PPM1E: variants seen among roughly 807,000 people sequenced by gnomAD.
PPM1E encodes protein phosphatase 1E.
Under a neutral mutation model 65.9 loss-of-function variants are expected in PPM1E, and 20 were observed. The ratio of observed to expected loss-of-function variants is 0.30; its 90% CI spans 0.21 to 0.44. The LOEUF (loss-of-function observed/expected upper bound fraction) is 0.44. Among genes scored for constraint, PPM1E ranks in the 20% least tolerant of loss-of-function variants. The pLI is 1.00. For synonymous variants in PPM1E, 352 were observed against 374.9 expected (o/e 0.94, Z 0.70); for missense variants, 713 against 953.1 (o/e 0.75, Z 3.32).
At chr17:58,761,259 C>G (rs1026585401) in intron 1 of PPM1E, among the ~76,000 whole-genome samples, 1 of 152,060 alleles carries the variant, frequency 6.6e-6, no homozygotes, top group African/African-American at 2.4e-5. Flanking sequence ...TTCAAGGGAC[C>G]CATCATGAAT....
rs1206706742 is a variant in PPM1E at position 58,982,743 on chromosome 17, CT to C, written c.*1714del. 9 of 535,098 alleles carry C rather than the reference CT, an allele frequency of 1.7e-5. No individual in the cohort carries two copies. Among genetic ancestry groups the C allele is most frequent in the Non-Finnish European group, 3.0e-5 (9 of 304,522 alleles). 33.1% of individuals were successfully genotyped at this position (535,098 alleles called of 1,614,324 possible). On this transcript the variant is annotated 3_prime_UTR_variant, in exon 7 of 7. Coordinates refer to ENST00000308249, the MANE Select transcript of PPM1E (RefSeq NM_014906.5). ...TCTCTTGATTTTGAAGTCATTTCTT[CT>C]TCTCACGTCTGTGACAAATGGTTGA...
chr17:58,879,212 C>T (rs2051161442), intron 1 of PPM1E, among the ~76,000 whole-genome samples: 1 of 151,352 alleles, frequency 6.6e-6, no homozygotes, highest in African/African-American at 2.4e-5. Context: ...GAATTAGGAA[C>T]ACATACATTA....
chr17:58,867,200 G>T (rs187049085), intron 1 of PPM1E, among the ~76,000 whole-genome samples: 1 of 152,124 alleles, frequency 6.6e-6, no homozygotes, highest in East Asian at 1.9e-4. Context: ...AGGCGGTCTC[G>T]AACTCCTGAC....
intron 1 of PPM1E, among the ~76,000 whole-genome samples, chr17:58,836,755 C>T (rs2050661736): frequency 6.9e-6 from 1 of 145,010 alleles, no homozygotes; most frequent in African/African-American, 2.5e-5. Flanking sequence ...GGCGCGGTGG[C>T]TCACGCCTGT....
chr17:58,967,481 C>A (rs2030323064), intron 3 of PPM1E, among the ~76,000 whole-genome samples: 1 of 149,310 alleles, frequency 6.7e-6, no homozygotes, highest in Admixed American at 6.7e-5. Context: ...ACATTCTGAT[C>A]CTAATTTCAT....
At chr17:58,790,990 A>G (rs1007710689) in intron 1 of PPM1E, among the ~76,000 whole-genome samples, 1 of 151,952 alleles carries the variant, frequency 6.6e-6, no homozygotes, top group African/African-American at 2.4e-5. Flanking sequence ...CCTGGGCTCA[A>G]GTGATTCTCC....
At chr17:58,956,565 T>G (rs775771520) in intron 2 of PPM1E, among the ~76,000 whole-genome samples, 1 of 152,108 alleles carries the variant, frequency 6.6e-6, no homozygotes, top group Non-Finnish European at 1.5e-5. Context: ...TATCTACCAG[T>G]AAATAGAGCT....
At chr17:58,808,179 A>C (rs527894321) in intron 1 of PPM1E, among the ~76,000 whole-genome samples, 2 of 152,300 alleles carry the variant, frequency 1.3e-5, no homozygotes, top group African/African-American at 4.8e-5. Context: ...TTGTTTATCC[A>C]TGCAGCAATT....
intron 1 of PPM1E, among the ~76,000 whole-genome samples, chr17:58,762,012 AT>A (rs979734659): frequency 3.3e-5 from 5 of 152,222 alleles, no homozygotes; most frequent in African/African-American, 1.2e-4. Context: ...CATGTGAAGC[AT>A]GGTAAGTGTG....
Position 58,899,320 on chromosome 17 carries a change from C to G in PPM1E, c.465-56329C>G, listed in dbSNP as rs978066351. ...ATTACACCCCAGCCTGGTGACAGAGCCTGTCTCCAAAAAAAACAAAAAAAC... is the reference window on the plus strand; with the variant it reads ...ATTACACCCCAGCCTGGTGACAGAGGCTGTCTCCAAAAAAAACAAAAAAAC... On this transcript the variant is annotated intron_variant, in intron 1 of 6. Transcript: ENST00000308249. The G allele has an allele frequency of 5.3e-5, 8 of 152,054 alleles. 1 individual carries two copies. Among genetic ancestry groups the G allele is most frequent in the African/African-American group, 1.9e-4 (8 of 41,422 alleles). The allele number at this position is 152,054 out of a possible 1,614,324, so 9.4% of individuals were successfully genotyped here. A position where few individuals can be genotyped will look rare whatever the true frequency, so the allele number is the denominator to read the frequency against.
At chr17:58,794,869 A>G (rs1323856759) in intron 1 of PPM1E, among the ~76,000 whole-genome samples, 1 of 150,768 alleles carries the variant, frequency 6.6e-6, no homozygotes, top group Non-Finnish European at 1.5e-5. Flanking sequence ...TGTTGTGATG[A>G]ACATATATGT....
intron 1 of PPM1E, among the ~76,000 whole-genome samples, chr17:58,780,158 A>G (rs550975125): frequency 6.6e-6 from 1 of 152,344 alleles, no homozygotes; most frequent in Non-Finnish European, 1.5e-5. Flanking sequence ...CTTTTCTTAA[A>G]TTCTTCAACT....
intron 4 of PPM1E, among the ~76,000 whole-genome samples, chr17:58,970,964 GTGTTGT>G (rs146837832): frequency 1.3e-5 from 2 of 151,688 alleles, no homozygotes; most frequent in African/African-American, 4.8e-5. Flanking sequence ...TCAAAATTAT[GTGTTGT>G]TGTTGTTGTT....
At chr17:58,761,027 T>A (rs950873201) in intron 1 of PPM1E, among the ~76,000 whole-genome samples, 8 of 152,176 alleles carry the variant, frequency 5.3e-5, no homozygotes, top group Non-Finnish European at 1.2e-4. Context: ...ACACAAGGTA[T>A]TGCCCACCCA....
chr17:58,824,307 T>C (rs1244064025), intron 1 of PPM1E, among the ~76,000 whole-genome samples: 1 of 152,164 alleles, frequency 6.6e-6, no homozygotes, highest in African/African-American at 2.4e-5. Flanking sequence ...AAATAATCTA[T>C]TGAACCAATA....
chr17:58,847,886 A>T (rs1463076774), intron 1 of PPM1E, among the ~76,000 whole-genome samples: 1 of 152,158 alleles, frequency 6.6e-6, no homozygotes, highest in African/African-American at 2.4e-5. Flanking sequence ...CACAATATTG[A>T]TTCTTCCTGT....
At chr17:58,808,175 A>T (rs1567839609) in intron 1 of PPM1E, among the ~76,000 whole-genome samples, 1 of 152,152 alleles carries the variant, frequency 6.6e-6, no homozygotes, top group Non-Finnish European at 1.5e-5. Context: ...TGATTTGTTT[A>T]TCCATGCAGC....
intron 1 of PPM1E, among the ~76,000 whole-genome samples, chr17:58,835,316 G>A (rs2050644460): frequency 6.6e-6 from 1 of 152,160 alleles, no homozygotes; most frequent in Non-Finnish European, 1.5e-5. Context: ...CTGCACTTCA[G>A]CCTCGGTGAC....
intron 1 of PPM1E, among the ~76,000 whole-genome samples, chr17:58,921,284 G>A (rs1158310165): frequency 6.6e-6 from 1 of 152,162 alleles, no homozygotes; most frequent in Non-Finnish European, 1.5e-5. Flanking sequence ...CAAGAAACCT[G>A]TATTTTAACA....
Sources: allele counts gnomAD v4.1 joint callset (sites outside exome capture counted in the v4.1 genomes callset), GRCh38; gene constraint gnomAD v4.1.1; transcripts MANE v1.5; gene names NCBI Gene and HGNC (gene_info 2026-07-23, HGNC 2026-07-21).